The following LEKR1 variants were observed in gnomAD, a reference collection of about 807,000 sequenced individuals.
LEKR1 encodes the protein protein LEKR1.
A neutral mutation model predicts 72.4 loss-of-function variants in LEKR1; 59 were observed. The ratio of observed to expected loss-of-function variants is 0.82; its 90% CI spans 0.66 to 1.01. LEKR1 has a LOEUF of 1.01. LEKR1 is among the 50% of genes least tolerant of loss of function. LEKR1 has a pLI of 0.00. For missense variants in LEKR1, 728 were observed against 759.2 expected, an observed-to-expected ratio of 0.96 and a Z score of 0.48; for synonymous variants, 257 against 263.2, an observed-to-expected ratio of 0.98 and a Z score of 0.23.
At chr3:156,900,488 G>A (rs1018451691) in intron 3 of LEKR1, among the ~76,000 whole-genome samples, 1 of 152,058 alleles carries the variant, frequency 6.6e-6, no homozygotes, top group African/African-American at 2.4e-5. Context: ...GGTGATTTTT[G>A]TGAATCTCGT....
intron 2 of LEKR1, among the ~76,000 whole-genome samples, chr3:156,837,358 G>A (rs914654776): frequency 2.6e-5 from 4 of 152,194 alleles, no homozygotes; most frequent in African/African-American, 9.7e-5. Context: ...CAGACACCCG[G>A]TCCTCTCATA....
In LEKR1 at chr3:156,992,645, T is replaced by G; in HGVS notation, c.828-8T>G. ...TAATATATTTTAACTTCTTTTGTAT[T>G]ATTTTAGGAATAAATCTAATGAAGC... is the stretch of plus-strand genomic sequence containing the variant. On this transcript the variant is annotated splice_polypyrimidine_tract_variant and splice_region_variant and intron_variant, in intron 7 of 12. Coordinates refer to ENST00000356539, the MANE Select transcript of LEKR1 (RefSeq NM_001004316.3). 2 of 638,666 alleles carry G rather than the reference T, an allele frequency of 3.1e-6. No individual in the cohort carries two copies. Among genetic ancestry groups the G allele is most frequent in the Non-Finnish European group, 4.3e-6 (2 of 463,940 alleles). The allele number at this position is 638,666 out of a possible 1,614,324, so 39.6% of individuals were successfully genotyped here. A position where few individuals can be genotyped will look rare whatever the true frequency, so the allele number is the denominator to read the frequency against.
chr3:156,994,446 A>C (rs1380412384), intron 9 of LEKR1, among the ~76,000 whole-genome samples: 2 of 152,300 alleles, frequency 1.3e-5, no homozygotes, highest in East Asian at 3.9e-4. Flanking sequence ...TTATTGAATA[A>C]GATTAGCAAC....
chr3:156,830,602 T>C (rs1435082675), intron 2 of LEKR1, among the ~76,000 whole-genome samples: 1 of 152,204 alleles, frequency 6.6e-6, no homozygotes, highest in Non-Finnish European at 1.5e-5. Flanking sequence ...AAATCTCTTA[T>C]AATGAAAGCA....
intron 6 of LEKR1, among the ~76,000 whole-genome samples, chr3:156,950,584 C>T (rs1727066045): frequency 6.6e-6 from 1 of 150,478 alleles, no homozygotes; most frequent in South Asian, 2.1e-4. Flanking sequence ...GTATTTTATT[C>T]CTAGGAATTT....
intron 3 of LEKR1, among the ~76,000 whole-genome samples, chr3:156,871,444 T>C (rs939218399): frequency 2.6e-5 from 4 of 152,188 alleles, no homozygotes; most frequent in Admixed American, 6.5e-5. Context: ...TATAGCAGCA[T>C]GATTTATAGT....
At chr3:156,966,309 G>C (rs932602570) in intron 6 of LEKR1, among the ~76,000 whole-genome samples, 12 of 152,206 alleles carry the variant, frequency 7.9e-5, no homozygotes, top group Middle Eastern at 3.4e-3. Context: ...CACACCGAGT[G>C]TGAGCTGAAG....
intron 6 of LEKR1, among the ~76,000 whole-genome samples, chr3:156,952,939 C>G (rs967703471): frequency 3.3e-5 from 5 of 151,282 alleles, no homozygotes; most frequent in African/African-American, 1.2e-4. Flanking sequence ...GAGCTCCAAA[C>G]TATATTGTCA....
At chr3:156,836,246 T>C (rs966848807) in intron 2 of LEKR1, among the ~76,000 whole-genome samples, 10 of 152,124 alleles carry the variant, frequency 6.6e-5, no homozygotes, top group Admixed American at 2.0e-4. Flanking sequence ...AGCAGAGTCA[T>C]AAATTTTGAG....
chr3:156,909,436 G>A (rs752451088), intron 3 of LEKR1, among the ~76,000 whole-genome samples: 1 of 152,074 alleles, frequency 6.6e-6, no homozygotes, highest in Non-Finnish European at 1.5e-5. Context: ...CTGATCACGA[G>A]GTCAGGAGAT....
chr3:157,024,248 A>G lies in LEKR1; in HGVS notation c.1204-512A>G, dbSNP rs558185996. ...GGGACCATCTGTACGGACATTACTG[A>G]CTCTTTTCCTTTAATCATCCTTCCC... On this transcript the variant is annotated intron_variant, in intron 10 of 12. Coordinates refer to ENST00000356539, the MANE Select transcript of LEKR1 (RefSeq NM_001004316.3). 9.9e-5 allele frequency among the ~76,000 whole-genome samples: 15 copies of G among 152,170 alleles called. No individual in the cohort carries two copies. The East Asian group carries it at 2.9e-3, about 29-fold the overall frequency.
intron 6 of LEKR1, among the ~76,000 whole-genome samples, chr3:156,969,432 A>G (rs1158756207): frequency 2.0e-5 from 3 of 152,238 alleles, no homozygotes; most frequent in Non-Finnish European, 4.4e-5. Flanking sequence ...AAAAATGGTA[A>G]AGGAGATATC....
rs1463402724 is a variant in LEKR1 at position 156,920,636 on chromosome 3, CAA to C, written c.326_327del (p.Gln109ProfsTer7). 3.4e-6 allele frequency: 5 copies of C among 1,452,810 alleles called. No individual in the cohort carries two copies. The Admixed American group carries it at 1.0e-4, about 30-fold the overall frequency. The allele number at this position is 1,452,810 out of a possible 1,614,324, so 90.0% of individuals were successfully genotyped here. A position where few individuals can be genotyped will look rare whatever the true frequency, so the allele number is the denominator to read the frequency against. On this transcript the variant is annotated frameshift_variant, in exon 4 of 13. Coordinates refer to ENST00000356539, the MANE Select transcript of LEKR1 (RefSeq NM_001004316.3). LOFTEE classifies it high-confidence loss of function. Reference sequence around the variant, plus strand: ...AAATGAATTTCAGAAAGTAAAGAAACAACTGAGTCATTTGCAAGATGAGCTAA... The same window carrying C: ...AAATGAATTTCAGAAAGTAAAGAAACCTGAGTCATTTGCAAGATGAGCTAA... ...QQNEFQKVKK[Q>X]LSHLQDELKI...
intron 3 of LEKR1, among the ~76,000 whole-genome samples, chr3:156,909,351 A>G (rs1722875244): frequency 6.6e-6 from 1 of 152,102 alleles, no homozygotes; most frequent in African/African-American, 2.4e-5. Flanking sequence ...CCCAAGGATT[A>G]TTAGATGTAT....
intron 9 of LEKR1, among the ~76,000 whole-genome samples, chr3:156,994,387 A>C (rs1474871912): frequency 6.6e-6 from 1 of 152,146 alleles, no homozygotes; most frequent in African/African-American, 2.4e-5. Context: ...ATAGGGAAAC[A>C]AGGCTTATCT....
chr3:157,027,349 A>G (rs541167362), intron 11 of LEKR1, among the ~76,000 whole-genome samples: 1 of 152,296 alleles, frequency 6.6e-6, no homozygotes, highest in South Asian at 2.1e-4. Context: ...GAGTTCCTCC[A>G]GCCATTATAT....
At chr3:156,828,700 A>G (rs1038466249) in intron 1 of LEKR1, among the ~76,000 whole-genome samples, 1 of 152,222 alleles carries the variant, frequency 6.6e-6, no homozygotes, top group Non-Finnish European at 1.5e-5. Flanking sequence ...AATCTGTTAA[A>G]AGTAAAATAT....
intron 3 of LEKR1, among the ~76,000 whole-genome samples, chr3:156,871,415 A>G (rs930621430): frequency 6.6e-6 from 1 of 152,210 alleles, no homozygotes; most frequent in Non-Finnish European, 1.5e-5. Context: ...CGCAATAAAC[A>G]TACGCGTGCA....
intron 12 of LEKR1, among the ~76,000 whole-genome samples, chr3:157,042,796 A>G (rs2108048969): frequency 6.6e-6 from 1 of 151,990 alleles, no homozygotes; most frequent in Admixed American, 6.5e-5. Flanking sequence ...TCATTGCTTT[A>G]TTTCTTTTAC....
Sources: allele counts gnomAD v4.1 joint callset (sites outside exome capture counted in the v4.1 genomes callset), GRCh38; gene constraint gnomAD v4.1.1; transcripts MANE v1.5; gene names NCBI Gene and HGNC (gene_info 2026-07-23, HGNC 2026-07-21).